The following FMR1NB variants were observed in gnomAD, a reference collection of about 807,000 sequenced individuals.
FMR1NB encodes the protein FMR1 neighbor protein.
A neutral mutation model predicts 16.8 loss-of-function variants in FMR1NB; 10 were observed. The ratio of observed to expected loss-of-function variants is 0.60; its 90% CI spans 0.37 to 1.01. The LOEUF is 1.01. Among genes scored for constraint, FMR1NB ranks in the 50% least tolerant of loss-of-function variants. FMR1NB has a pLI of 0.01. For synonymous variants in FMR1NB, 83 were observed against 79.1 expected (o/e 1.05, Z -0.26); for missense variants, 205 against 204.8 (o/e 1.00, Z 0.00).
At chrX:148,003,077 A>G in intron 1 of FMR1NB, 124 bp from the exon 2 acceptor site, 1 of 724,248 alleles carries the variant, frequency 1.4e-6, no homozygotes, top group Non-Finnish European at 2.0e-6. Flanking sequence ...TATGAGATGA[A>G]AGTATATCTG....
chrX:148,022,444 T>C (rs1360158543), intron 4 of FMR1NB, among the ~76,000 whole-genome samples: 1 of 112,558 alleles, frequency 8.9e-6, no homozygotes, highest in Non-Finnish European at 1.9e-5. Context: ...AGGTACCATA[T>C]CTTAGTCATG....
intron 2 of FMR1NB, among the ~76,000 whole-genome samples, chrX:148,004,259 G>A (rs1438570739): frequency 4.5e-5 from 5 of 111,959 alleles, no homozygotes; most frequent in Non-Finnish European, 9.4e-5. Flanking sequence ...ACAGTTAGTC[G>A]TAAACAACAA....
At chrX:148,015,661 TC>T (rs1443462823) in intron 4 of FMR1NB, among the ~76,000 whole-genome samples, 4 of 112,560 alleles carry the variant, frequency 3.6e-5, no homozygotes, top group Non-Finnish European at 7.5e-5. Context: ...CTAGTTTTAT[TC>T]CATTTTGGTG....
At chrX:147,999,557 TC>T (rs1557188497) in intron 1 of FMR1NB, among the ~76,000 whole-genome samples, 1 of 110,481 alleles carries the variant, frequency 9.1e-6, no homozygotes, top group Non-Finnish European at 1.9e-5. Flanking sequence ...CACTTAAATA[TC>T]ATCTCCTCAG....
At chrX:147,994,624 C>T (rs1412832657) in intron 1 of FMR1NB, among the ~76,000 whole-genome samples, 5 of 111,908 alleles carry the variant, frequency 4.5e-5, no homozygotes, top group Non-Finnish European at 9.4e-5. Context: ...TCTTAGTCAG[C>T]GAGTTCTTCA....
intron 1 of FMR1NB, among the ~76,000 whole-genome samples, chrX:147,998,139 A>G (rs1465989652): frequency 8.9e-6 from 1 of 112,767 alleles, no homozygotes; most frequent in Non-Finnish European, 1.9e-5. Context: ...ATTCTAGTAT[A>G]AAGACACATG....
chrX:147,997,973 T>C (rs937204945), intron 1 of FMR1NB, among the ~76,000 whole-genome samples: 1 of 112,547 alleles, frequency 8.9e-6, no homozygotes. Context: ...GGAGAGGATG[T>C]GGAGAAACAG....
At chrX:147,988,237 T>C (rs1292940557) in intron 1 of FMR1NB, among the ~76,000 whole-genome samples, 1 of 111,732 alleles carries the variant, frequency 8.9e-6, no homozygotes, top group Non-Finnish European at 1.9e-5. Flanking sequence ...TTTGCTTGTC[T>C]GTAAGGATTT....
chrX:147,994,495 A>G (rs1557187999), intron 1 of FMR1NB, among the ~76,000 whole-genome samples: 1 of 112,563 alleles, frequency 8.9e-6, no homozygotes, highest in African/African-American at 3.2e-5. Flanking sequence ...TATTTCTACT[A>G]TTTATCTAAA....
intron 1 of FMR1NB, among the ~76,000 whole-genome samples, chrX:147,993,164 C>T (rs185510039): frequency 7.9e-4 from 89 of 112,908 alleles, no homozygotes; most frequent in Non-Finnish European, 1.4e-3. Context: ...TCTGCAATTC[C>T]GGCACCTCGG....
At chrX:148,011,021 T>C (rs1163896129) in intron 4 of FMR1NB, among the ~76,000 whole-genome samples, 1 of 110,979 alleles carries the variant, frequency 9.0e-6, no homozygotes, top group Non-Finnish European at 1.9e-5. Flanking sequence ...TGAGAAGCAC[T>C]TTGGGAGGCC....
chrX:147,998,992 G>A (rs2044557211), intron 1 of FMR1NB, among the ~76,000 whole-genome samples: 1 of 111,743 alleles, frequency 8.9e-6, no homozygotes. Flanking sequence ...GATCTATAAA[G>A]GGTGAAAACC....
intron 1 of FMR1NB, among the ~76,000 whole-genome samples, chrX:147,994,228 CCA>C (rs1379427047): frequency 9.0e-6 from 1 of 111,329 alleles, no homozygotes; most frequent in Non-Finnish European, 1.9e-5. Context: ...CAAGGTCCAC[CCA>C]CAGTCAAAGA....
chrX:148,015,428 T>C (rs1557190059), intron 4 of FMR1NB, among the ~76,000 whole-genome samples: 1 of 111,707 alleles, frequency 9.0e-6, no homozygotes. Flanking sequence ...TATGTGAAGT[T>C]TTTCCTCTTT....
At chrX:148,024,466 C>T (rs1557190838) in intron 4 of FMR1NB, among the ~76,000 whole-genome samples, 1 of 111,594 alleles carries the variant, frequency 9.0e-6, no homozygotes, top group East Asian at 2.8e-4. Context: ...AATGCTAATA[C>T]AATGTGAGCC....
chrX:147,999,545 T>C (rs1443505202), intron 1 of FMR1NB, among the ~76,000 whole-genome samples: 1 of 111,054 alleles, frequency 9.0e-6, no homozygotes, highest in Non-Finnish European at 1.9e-5. Flanking sequence ...TTTTTTTTTT[T>C]CCACTTAAAT....
chrX:148,011,629 GGA>G (rs1218922750), intron 4 of FMR1NB, among the ~76,000 whole-genome samples: 1 of 111,571 alleles, frequency 9.0e-6, no homozygotes, highest in East Asian at 2.8e-4. Context: ...AGGTTAAGTA[GGA>G]GAGGGCACGT....
chrX:148,008,219 G>C (rs2044606733), intron 3 of FMR1NB: 1 of 127,990 alleles, frequency 7.8e-6, no homozygotes, highest in Admixed American at 8.0e-5. Flanking sequence ...CATAGATTAA[G>C]AAGCTATTTA....
At chrX:148,004,592 G>A (rs1344224840) in intron 2 of FMR1NB, among the ~76,000 whole-genome samples, 3 of 111,771 alleles carry the variant, frequency 2.7e-5, no homozygotes, top group Non-Finnish European at 3.8e-5. Flanking sequence ...TTCATAAAAC[G>A]TGAAATATTT....
Sources: gnomAD v4.1 joint callset for allele counts (sites outside exome capture counted in the v4.1 genomes callset) on GRCh38, gnomAD v4.1.1 for gene constraint, MANE v1.5 for transcripts, NCBI Gene and HGNC (gene_info 2026-07-23, HGNC 2026-07-21) for gene names.